ITPK1: variants seen among roughly 807,000 people sequenced by gnomAD.
ITPK1 encodes inositol-tetrakisphosphate 1-kinase, also known as inositol 1,3,4-trisphosphate 5/6-kinase.
In ITPK1, 21 loss-of-function variants were observed where a neutral mutation model predicts 45.3. The observed-to-expected ratio is 0.46, with a 90% CI of 0.33 to 0.67. ITPK1 has a LOEUF of 0.67. ITPK1 is among the 30% of genes least tolerant of loss of function. The probability of loss-of-function intolerance (pLI) is 0.02; values close to 1 mark genes in which losing one functional copy is unlikely to be tolerated. For synonymous variants in ITPK1, 258 were observed against 253.6 expected (o/e 1.02, Z -0.16); for missense variants, 474 against 573.5 (o/e 0.83, Z 1.77).
At chr14:93,070,316 T>C (rs1306441696) in intron 3 of ITPK1, 2 of 152,272 alleles carry the variant, frequency 1.3e-5, no homozygotes, top group Non-Finnish European at 2.9e-5. Context: ...AGTGAGTCCC[T>C]GGATGGGGAA....
intron 3 of ITPK1, among the ~76,000 whole-genome samples, chr14:93,033,481 C>G (rs1461942393): frequency 6.6e-6 from 1 of 152,186 alleles, no homozygotes; most frequent in Non-Finnish European, 1.5e-5. Context: ...GCACAGACAT[C>G]AGAACCAGGG....
chr14:92,966,297 T>A (rs546551987), intron 5 of ITPK1, among the ~76,000 whole-genome samples: 2 of 152,336 alleles, frequency 1.3e-5, no homozygotes, highest in East Asian at 3.9e-4. Flanking sequence ...TGGCCTCAAC[T>A]GTATTTCTAT....
chr14:92,967,246 A>C (rs2139753297), intron 5 of ITPK1, among the ~76,000 whole-genome samples: 1 of 152,370 alleles, frequency 6.6e-6, no homozygotes, highest in South Asian at 2.1e-4. Flanking sequence ...TTAAAAAGAT[A>C]TCTCTATTTA....
chr14:93,002,245 G>A (rs1472250673), intron 4 of ITPK1, among the ~76,000 whole-genome samples: 1 of 152,206 alleles, frequency 6.6e-6, no homozygotes, highest in Non-Finnish European at 1.5e-5. Context: ...GGAGGCTGAG[G>A]TGGGAGAATC....
chr14:93,019,410 C>T (rs1325822724), intron 3 of ITPK1, among the ~76,000 whole-genome samples: 1 of 152,230 alleles, frequency 6.6e-6, no homozygotes, highest in African/African-American at 2.4e-5. Context: ...CTCTCCGCAT[C>T]CCCGGCGCTC....
At chr14:92,944,266 T>C (rs1887574062) in intron 10 of ITPK1, among the ~76,000 whole-genome samples, 1 of 152,070 alleles carries the variant, frequency 6.6e-6, no homozygotes, top group Non-Finnish European at 1.5e-5. Context: ...AAAAGGGTGC[T>C]CTATGGTAAG....
chr14:92,982,474 C>T (rs965642670), intron 5 of ITPK1, among the ~76,000 whole-genome samples: 2 of 152,160 alleles, frequency 1.3e-5, no homozygotes, highest in African/African-American at 4.8e-5. Context: ...TGCTGGCCAG[C>T]AAGGGTGGGG....
intron 2 of ITPK1, among the ~76,000 whole-genome samples, chr14:93,083,160 C>T (rs1048789935): frequency 3.9e-5 from 6 of 152,156 alleles, no homozygotes; most frequent in Non-Finnish European, 5.9e-5. Flanking sequence ...ACGGCATCCA[C>T]GCCACCACCA....
chr14:93,048,533 C>T (rs991976176), intron 3 of ITPK1, among the ~76,000 whole-genome samples: 1 of 152,206 alleles, frequency 6.6e-6, no homozygotes, highest in African/African-American at 2.4e-5. Context: ...AGACCTTTGT[C>T]CACGTGCCTG....
In ITPK1 at chr14:92,957,690, C is replaced by A. The variant is rs573949775; in HGVS notation, c.670+511G>T. ...CCTGCACCTAAGAAGACCTGTAACCCGGCAGCTGCTGCTTCTCACAGTCTG... is the reference window on the plus strand; with the variant it reads ...CCTGCACCTAAGAAGACCTGTAACCAGGCAGCTGCTGCTTCTCACAGTCTG... On this transcript the variant is annotated intron_variant, in intron 8 of 10. Coordinates refer to ENST00000267615, the MANE Select transcript of ITPK1 (RefSeq NM_014216.6). 2.6e-5 allele frequency among the ~76,000 whole-genome samples: 4 copies of A among 152,330 alleles called. No homozygotes were observed. The South Asian group carries it at 8.3e-4, about 32-fold the overall frequency.
intron 7 of ITPK1, 34 bp downstream of exon 7, chr14:92,962,321 G>A (rs777933712): frequency 1.0e-5 from 16 of 1,540,216 alleles, no homozygotes; most frequent in African/African-American, 1.4e-5. Context: ...AAGGATGGGG[G>A]TCAGGGACAA....
chr14:92,984,627 C>T (rs1886407601), intron 5 of ITPK1, among the ~76,000 whole-genome samples: 1 of 152,166 alleles, frequency 6.6e-6, no homozygotes, highest in Admixed American at 6.5e-5. Context: ...AACATGTAAT[C>T]CTGATTCTCC....
chr14:92,962,843 C>A lies in ITPK1; in HGVS notation c.371G>T (p.Arg124Met). Residue 124 changes from arginine (R) to methionine (M), a missense_variant, in exon 6 of 11, where the codon AGG becomes ATG. Physicochemically the swap from Arg to Met is moderately conservative, Grantham distance 91. This residue lies in a region of ITPK1 where 367 missense variants were observed against 480.6 expected (regional missense o/e 0.76). Transcript: ENST00000267615. ...RKIEAYMEDD[R>M]ICSPPFMELT... is the part of the protein sequence containing the mutation. ...CTCCATGAAGGGTGGCGAGCAGATC[C>A]TGTCGTCTAGGGCAGAAGGGAGGCC... 1 of 1,612,616 alleles carries A rather than the reference C, an allele frequency of 6.2e-7. No individual in the cohort carries two copies. Among genetic ancestry groups the A allele is most frequent in the South Asian group, 1.1e-5 (1 of 91,070 alleles).
chr14:92,946,427 G>A lies in ITPK1; in HGVS notation c.805C>T (p.Leu269=). Residue 269 remains leucine (L), a synonymous_variant, in exon 10 of 11, where the codon CTG becomes TTG. Coordinates refer to ENST00000267615, the MANE Select transcript of ITPK1 (RefSeq NM_014216.6). ...DEVIRELSRA[L]RQALGVSLFG... is the part of the protein sequence containing the mutation. ...AGTGACACGCCCAGTGCCTGCCGCA[G>A]GGCCCGGGAGAGCTCCCGGATGACC... 6.2e-7 allele frequency: 1 copy of A among 1,613,306 alleles called. No homozygotes were observed. Among genetic ancestry groups the A allele is most frequent in the Middle Eastern group, 1.7e-4 (1 of 6,056 alleles).
Position 93,053,155 on chromosome 14 carries a change from T to G in ITPK1, c.120+23440A>C, listed in dbSNP as rs536162016. Among the ~76,000 whole-genome samples, 4 of 151,398 alleles carry G rather than the reference T, an allele frequency of 2.6e-5. No individual in the cohort carries two copies. The East Asian group carries it at 7.8e-4, about 29-fold the overall frequency. On this transcript the variant is annotated intron_variant, in intron 3 of 10. Coordinates refer to ENST00000267615, the MANE Select transcript of ITPK1 (RefSeq NM_014216.6). ...AAAATAAAAATAAAATAAAAAATAA[T>G]AATAAAAAAAAACCAGTGGTTCTCA...
chr14:93,061,759 G>C (rs1890533570), intron 3 of ITPK1, among the ~76,000 whole-genome samples: 1 of 152,136 alleles, frequency 6.6e-6, no homozygotes, highest in Non-Finnish European at 1.5e-5. Context: ...TGCCCAAACA[G>C]TATCAAAAGT....
chr14:93,110,436 G>A (rs12437381), intron 2 of ITPK1, among the ~76,000 whole-genome samples: 1,949 of 152,252 alleles, frequency 0.013, 46 homozygotes, highest in African/African-American at 0.045. Flanking sequence ...AGAATCTCCC[G>A]AAAGAATTCC....
intron 9 of ITPK1, among the ~76,000 whole-genome samples, chr14:92,950,255 T>C (rs1887896079): frequency 6.6e-6 from 1 of 152,224 alleles, no homozygotes; most frequent in African/African-American, 2.4e-5. Flanking sequence ...GAGGGCTTCC[T>C]GCACCAGACT....
intron 3 of ITPK1, among the ~76,000 whole-genome samples, chr14:93,018,207 C>G (rs1236334203): frequency 6.6e-6 from 1 of 152,182 alleles, no homozygotes; most frequent in Non-Finnish European, 1.5e-5. Flanking sequence ...ACGCCCCCAC[C>G]CCCTGCCATA....
Sources: gnomAD v4.1 joint callset for allele counts (sites outside exome capture counted in the v4.1 genomes callset) on GRCh38, gnomAD v4.1.1 for gene constraint, gnomAD v4.1.1 regional missense constraint, MANE v1.5 for transcripts, NCBI Gene and HGNC (gene_info 2026-07-23, HGNC 2026-07-21) for gene names.